ITGA5: variants seen among roughly 807,000 people sequenced by gnomAD.
ITGA5 encodes the protein integrin subunit alpha 5, also known as integrin alpha-5.
A neutral mutation model predicts 146.3 loss-of-function variants in ITGA5; 55 were observed. The observed-to-expected ratio is 0.38, with a 90% CI of 0.30 to 0.47. The LOEUF (loss-of-function observed/expected upper bound fraction) is 0.47, where lower values mean the gene tolerates loss of function less well. ITGA5 is among the 20% of genes least tolerant of loss of function. The probability of loss-of-function intolerance (pLI) is 0.99; values close to 1 mark genes in which losing one functional copy is unlikely to be tolerated. For synonymous variants in ITGA5, 500 were observed against 531.8 expected (o/e 0.94, Z 0.82); for missense variants, 1,131 against 1,329.0 (o/e 0.85, Z 2.32).
rs1381979375 is a variant in ITGA5 at position 54,408,879 on chromosome 12, G to C, written c.645+14C>G. ...ACCACCCACGGCCCCTTCTCTCCCAGACCACTCTCTCACCTTGGTGAACTC... is the reference window on the plus strand; with the variant it reads ...ACCACCCACGGCCCCTTCTCTCCCACACCACTCTCTCACCTTGGTGAACTC... On this transcript the variant is annotated intron_variant, in intron 5 of 29. Transcript: ENST00000293379. 6.2e-7 allele frequency: 1 copy of C among 1,613,792 alleles called. No individual in the cohort carries two copies. The highest frequency in any genetic ancestry group is 8.5e-7 in the Non-Finnish European group (1 of 1,179,868).
chr12:54,401,288 C>T lies in ITGA5; in HGVS notation c.2493+85G>A. ...CCTCCCTCCTCTCTTTCTCTCAGTC[C>T]CTCACATGGGTTCCAGCCATCTGTC... On this transcript the variant is annotated intron_variant, in intron 24 of 29. Coordinates refer to ENST00000293379, the MANE Select transcript of ITGA5 (RefSeq NM_002205.5). This position sits in a 1 kb window ranked among gnomAD's most constrained non-coding sequence, Gnocchi z 5.0. 1 of 1,016,734 alleles carries T rather than the reference C, an allele frequency of 9.8e-7. No individual in the cohort carries two copies. Among genetic ancestry groups the T allele is most frequent in the Admixed American group, 1.7e-5 (1 of 57,780 alleles). 63.0% of individuals were successfully genotyped at this position (1,016,734 alleles called of 1,614,324 possible).
At chr12:54,402,717 T>C (rs529097518) in intron 19 of ITGA5, among the ~76,000 whole-genome samples, 2 of 148,648 alleles carry the variant, frequency 1.3e-5, no homozygotes, top group Non-Finnish European at 3.0e-5. Context: ...AAAAAAAGAG[T>C]AATAATAAAG....
Position 54,403,509 on chromosome 12 carries a change from A to G in ITGA5, c.1776+116T>C, listed in dbSNP as rs1955817713. 7.5e-7 allele frequency: 1 copy of G among 1,337,330 alleles called. No homozygotes were observed. The highest frequency in any genetic ancestry group is 1.0e-6 in the Non-Finnish European group (1 of 980,282). 82.8% of individuals were successfully genotyped at this position (1,337,330 alleles called of 1,614,324 possible). A position where few individuals can be genotyped will look rare whatever the true frequency, so the allele number is the denominator to read the frequency against. On this transcript the variant is annotated intron_variant, in intron 17 of 29. Transcript: ENST00000293379. This position sits in a 1 kb window ranked among gnomAD's most constrained non-coding sequence, Gnocchi z 4.9. ...AGAAGGTCTCCCTTTCTCAGCCCCTACAAGAGTCCCAAGCCCTTCACTGGA... is the reference window on the plus strand; with the variant it reads ...AGAAGGTCTCCCTTTCTCAGCCCCTGCAAGAGTCCCAAGCCCTTCACTGGA...
In ITGA5 at chr12:54,396,133, A is replaced by C; in HGVS notation, c.*160T>G. Reference sequence around the variant, plus strand: ...GGGGGGGAGGGATCCCCAGCTCCTCACCCCCCTGGCTCTGGCCCTTCAAGT... The same window carrying C: ...GGGGGGGAGGGATCCCCAGCTCCTCCCCCCCCTGGCTCTGGCCCTTCAAGT... On this transcript the variant is annotated 3_prime_UTR_variant, in exon 30 of 30. Transcript: ENST00000293379. The C allele has an allele frequency of 3.3e-6, 2 of 606,978 alleles. No homozygotes were observed. The highest frequency in any genetic ancestry group is 5.9e-6 in the Non-Finnish European group (2 of 338,918). 37.6% of individuals were successfully genotyped at this position (606,978 alleles called of 1,614,324 possible). A position where few individuals can be genotyped will look rare whatever the true frequency, so the allele number is the denominator to read the frequency against.
intron 29 of ITGA5, among the ~76,000 whole-genome samples, 200 bp from the exon 30 acceptor site, chr12:54,396,576 TG>T (rs950259218): frequency 1.1e-4 from 16 of 152,318 alleles, no homozygotes; most frequent in African/African-American, 3.6e-4. Context: ...TGATTTTGTA[TG>T]GGGGGTATCT....
chr12:54,404,170 T>C lies in ITGA5; in HGVS notation c.1540A>G (p.Ser514Gly). 1.3e-6 allele frequency: 2 copies of C among 1,595,054 alleles called. No homozygotes were observed. The highest frequency in any genetic ancestry group is 1.7e-6 in the Non-Finnish European group (2 of 1,170,978). The change falls in exon 15 of 30, where the codon AGC (serine) becomes GGC (glycine). Residue 514 changes from serine to glycine, a missense_variant. This residue lies in a region of ITGA5 where 889 missense variants were observed against 1,021.5 expected (regional missense o/e 0.87). Coordinates refer to ENST00000293379, the MANE Select transcript of ITGA5 (RefSeq NM_002205.5). ...CAGGCCACAGGGTTCCCCTCTAAGC[T>C]GCAGCTCCGCTCCTCTGGGTTGAAC... ...AMFNPEERSCSLEGNPVACIN... is the reference protein window; with the variant it reads ...AMFNPEERSCGLEGNPVACIN...
intron 1 of ITGA5, among the ~76,000 whole-genome samples, chr12:54,413,840 T>G (rs896242909): frequency 2.0e-5 from 3 of 152,230 alleles, no homozygotes; most frequent in Admixed American, 1.3e-4. Flanking sequence ...TCCCTCTTCC[T>G]CTGGGTGAAG....
chr12:54,405,821 G>T (rs997968988), intron 10 of ITGA5, 49 bp downstream of exon 10: 8 of 1,601,588 alleles, frequency 5.0e-6, no homozygotes, highest in South Asian at 1.1e-5. Flanking sequence ...CAGGGCTGGG[G>T]CTTCGTTGAC....
chr12:54,411,682 C>T (rs1275603072), intron 2 of ITGA5, 152 bp downstream of exon 2: 2 of 503,778 alleles, frequency 4.0e-6, no homozygotes, highest in Non-Finnish European at 6.6e-6. Context: ...CATGGGGATC[C>T]ACTGTAAGCA....
chr12:54,397,761 T>G (rs1174646056), intron 28 of ITGA5, among the ~76,000 whole-genome samples: 2 of 152,218 alleles, frequency 1.3e-5, no homozygotes, highest in Non-Finnish European at 2.9e-5. Context: ...TGGATCTGCC[T>G]GGATTAGGTG....
Position 54,403,929 on chromosome 12 carries a change from G to A in ITGA5, c.1603C>T (p.His535Tyr). Residue 535 changes from histidine to tyrosine, a missense_variant, in exon 16 of 30, where the codon CAC becomes TAC. Transcript: ENST00000293379. The surrounding 1 kb of genome is among the most constrained non-coding windows in gnomAD (Gnocchi z 4.9). The part of the protein sequence containing the change: ...LSFCLNASGK[H>Y]VADSIGFTVE... The stretch of plus-strand genomic sequence containing the variant: ...CCCTCACCAATGGAGTCAGCAACGT[G>A]TTTTCCAGAAGCATTGAGGCAGAAG... The A allele has an allele frequency of 1.2e-6, 2 of 1,614,222 alleles. No homozygotes were observed. Among genetic ancestry groups the A allele is most frequent in the Non-Finnish European group, 1.7e-6 (2 of 1,180,044 alleles).
rs1316148542 is a variant in ITGA5, at chr12:54,400,874, T to C, written c.2615A>G (p.Asn872Ser). Residue 872 changes from asparagine to serine, a missense_variant, in exon 25 of 30, where the codon AAT (asparagine) becomes AGT (serine). By Grantham distance (46) the Asn-to-Ser change is conservative (BLOSUM62 1). Transcript: ENST00000293379. Reference sequence around the variant, plus strand: ...CAGGCCCTTTGGGTTAATGGGGTGATTGGTGGTGCAGTTGAGTCCCGTAAC... The same window carrying C: ...CAGGCCCTTTGGGTTAATGGGGTGACTGGTGGTGCAGTTGAGTCCCGTAAC... The part of the protein sequence containing the change: ...TRVTGLNCTT[N>S]HPINPKGLEL... 2 of 1,614,058 alleles carry C rather than the reference T, an allele frequency of 1.2e-6. No individual in the cohort carries two copies. Among genetic ancestry groups the C allele is most frequent in the Admixed American group, 3.3e-5 (2 of 59,994 alleles).
chr12:54,407,775 T>G, intron 8 of ITGA5, 57 bp downstream of exon 8: 1 of 1,605,998 alleles, frequency 6.2e-7, no homozygotes, highest in Non-Finnish European at 8.5e-7. Flanking sequence ...ATGGGCTCTC[T>G]GGCCCTGTGC....
intron 19 of ITGA5, 67 bp from the exon 20 acceptor site, chr12:54,402,397 A>G (rs1241168998): frequency 9.6e-6 from 14 of 1,464,354 alleles, no homozygotes; most frequent in Middle Eastern, 1.8e-4. Context: ...AAGGACCATT[A>G]TAAGAGTAGT....
At position 54,409,913 on chromosome 12, in the gene ITGA5, G is replaced by A. The variant is rs192987228; in HGVS notation, c.350-316C>T. On this transcript the variant is annotated intron_variant, in intron 2 of 29. Transcript: ENST00000293379. This position sits in a 1 kb window ranked among gnomAD's most constrained non-coding sequence, Gnocchi z 4.7. ...ACTCTGTCACCCAGGCTGGAGTGCA[G>A]TAGCATGATCTCGGCTCAGTGCAAC... is the stretch of plus-strand genomic sequence containing the variant. Among the ~76,000 whole-genome samples the A allele has an allele frequency of 2.1e-3, 313 of 151,952 alleles. 2 individuals carry two copies. Among genetic ancestry groups the A allele is most frequent in the African/African-American group, 7.1e-3 (293 of 41,408 alleles).
Position 54,409,137 on chromosome 12 carries a change from G to A in ITGA5, c.583+95C>T. ...TCTTAAGCAACCTAGAACCTCATGG[G>A]GGCACATGGTAGGTGCGAGTCAACC... On this transcript the variant is annotated intron_variant, in intron 4 of 29. Transcript: ENST00000293379. This position sits in a 1 kb window ranked among gnomAD's most constrained non-coding sequence, Gnocchi z 4.7. 1 of 1,509,002 alleles carries A rather than the reference G, an allele frequency of 6.6e-7. No individual in the cohort carries two copies. The highest frequency in any genetic ancestry group is 9.0e-7 in the Non-Finnish European group (1 of 1,112,986). The allele number at this position is 1,509,002 out of a possible 1,614,324, so 93.5% of individuals were successfully genotyped here. A position where few individuals can be genotyped will look rare whatever the true frequency, so the allele number is the denominator to read the frequency against.
chr12:54,402,837 T>C, intron 19 of ITGA5, 146 bp downstream of exon 19: 1 of 638,482 alleles, frequency 1.6e-6, no homozygotes, highest in Non-Finnish European at 2.8e-6. Context: ...AAATAAATGC[T>C]ACTATTCCCA....
chr12:54,409,071 A>G lies in ITGA5; in HGVS notation c.584-117T>C. On this transcript the variant is annotated intron_variant, in intron 4 of 29. Coordinates refer to ENST00000293379, the MANE Select transcript of ITGA5 (RefSeq NM_002205.5). This position sits in a 1 kb window ranked among gnomAD's most constrained non-coding sequence, Gnocchi z 4.7. ...ACCAGAGAAAGGGCCTTCCTGGACC[A>G]GACAGTAAGCATAAAGGCTAACGAA... is the stretch of plus-strand genomic sequence containing the variant. The G allele has an allele frequency of 1.4e-6, 2 of 1,398,496 alleles. No homozygotes were observed. The highest frequency in any genetic ancestry group is 2.0e-6 in the Non-Finnish European group (2 of 1,001,740). 86.6% of individuals were successfully genotyped at this position (1,398,496 alleles called of 1,614,324 possible). A position where few individuals can be genotyped will look rare whatever the true frequency, so the allele number is the denominator to read the frequency against.
rs775645257 is a variant in ITGA5, at chr12:54,399,895, C to T, written c.2696G>A (p.Arg899His). Residue 899 changes from arginine to histidine, a missense_variant, in exon 26 of 30, where the codon CGC becomes CAC. This residue lies in a region of ITGA5 where 889 missense variants were observed against 1,021.5 expected (regional missense o/e 0.87). Transcript: ENST00000293379. The stretch of plus-strand genomic sequence containing the variant: ...CTGAGGTCCCGAGGAAGCAGAGCTG[C>T]GGCTTGGAGCTTCCCGTTTTTGCTG... ...HHQQKREAPS[R>H]SSASSGPQIL... 3.3e-5 allele frequency: 53 copies of T among 1,614,054 alleles called. No individual in the cohort carries two copies. Among genetic ancestry groups the T allele is most frequent in the African/African-American group, 1.1e-4 (8 of 74,918 alleles).
Sources: gnomAD v4.1 joint callset for allele counts (sites outside exome capture counted in the v4.1 genomes callset) on GRCh38, gnomAD v4.1.1 for gene constraint, gnomAD v4.1.1 regional missense constraint, Gnocchi (gnomAD v3.1) non-coding constraint, MANE v1.5 for transcripts, NCBI Gene and HGNC (gene_info 2026-07-23, HGNC 2026-07-21) for gene names.